Variants in MTAP observed in about 807,000 individuals in gnomAD.
The protein encoded by MTAP is methylthioadenosine phosphorylase.
Under a neutral mutation model 33.6 loss-of-function variants are expected in MTAP, and 33 were observed. The observed-to-expected ratio is 0.98, with a 90% CI of 0.74 to 1.31. MTAP has a LOEUF of 1.31. Ranked by LOEUF, MTAP falls within the 40% of genes most tolerant of loss-of-function variation. The pLI, the probability that MTAP is intolerant of heterozygous loss-of-function variation, is 0.00. For missense variants in MTAP, 367 were observed against 360.0 expected (o/e 1.02, Z -0.16); for synonymous variants, 148 against 125.7 (o/e 1.18, Z -1.19).
intron 1 of MTAP, among the ~76,000 whole-genome samples, chr9:21,911,320 A>G (rs544526354): frequency 6.6e-6 from 1 of 152,344 alleles, no homozygotes; most frequent in African/African-American, 2.4e-5. Flanking sequence ...AATCAACAGA[A>G]TATACATTCT....
At chr9:21,930,154 T>A (rs2131046624) in intron 1 of MTAP, 3 of 384,362 alleles carry the variant, frequency 7.8e-6, no homozygotes, top group South Asian at 6.7e-5. Context: ...TGGAGTAAAC[T>A]CAAAATTCTC....
At chr9:21,820,983 G>T (rs1824621500) in intron 4 of MTAP, among the ~76,000 whole-genome samples, 1 of 152,246 alleles carries the variant, frequency 6.6e-6, no homozygotes. Context: ...TTTGTGTCCT[G>T]AGACTTTGCT....
intron 4 of MTAP, among the ~76,000 whole-genome samples, chr9:21,836,054 A>G (rs1342145319): frequency 7.9e-5 from 12 of 152,032 alleles, no homozygotes; most frequent in Admixed American, 7.2e-4. Flanking sequence ...GTGAGGCCCC[A>G]TCTGGTGCCG....
intron 1 of MTAP, among the ~76,000 whole-genome samples, chr9:21,806,611 C>T (rs1008163431): frequency 1.3e-5 from 2 of 151,856 alleles, no homozygotes; most frequent in African/African-American, 4.8e-5. Flanking sequence ...GAGAGATGGT[C>T]CAGGCAGGGA....
chr9:21,803,181 C>A lies in MTAP; in HGVS notation c.33+400C>A, dbSNP rs559294757. 2.0e-5 allele frequency: 8 copies of A among 392,990 alleles called. No individual in the cohort carries two copies. In the South Asian group the frequency reaches 8.9e-4, roughly 44 times the overall value. The allele number at this position is 392,990 out of a possible 1,614,324, so 24.3% of individuals were successfully genotyped here. On this transcript the variant is annotated intron_variant, in intron 1 of 7. Transcript: ENST00000644715. ...TCCAAGAAAGACACCCGGCTGGAGTCAGGAGGTGTCCGGGCGCCTGCAGCT... is the reference window on the plus strand; with the variant it reads ...TCCAAGAAAGACACCCGGCTGGAGTAAGGAGGTGTCCGGGCGCCTGCAGCT...
Position 21,838,020 on chromosome 9 carries a change from C to T in MTAP, c.450+10C>T, listed in dbSNP as rs1490214684. On this transcript the variant is annotated intron_variant, in intron 5 of 7. Coordinates refer to ENST00000644715, the MANE Select transcript of MTAP (RefSeq NM_002451.4). ...CCCCAAAACGAGAGAGGTGTGTAGT[C>T]TTTCTGGAAGGTGTACCAGAATAAA... is the stretch of plus-strand genomic sequence containing the variant. 2.5e-6 allele frequency: 4 copies of T among 1,609,016 alleles called. No homozygotes were observed. Among genetic ancestry groups the T allele is most frequent in the Non-Finnish European group, 3.4e-6 (4 of 1,175,574 alleles).
chr9:21,860,162 C>G (rs1045783896), intron 7 of MTAP: 1 of 152,150 alleles, frequency 6.6e-6, no homozygotes, highest in African/African-American at 2.4e-5. Flanking sequence ...TGAATTACCA[C>G]CTAGGAGCTC....
At chr9:21,859,092 A>G (rs765934189) in intron 6 of MTAP, 8 of 498,850 alleles carry the variant, frequency 1.6e-5, no homozygotes, top group Non-Finnish European at 2.4e-5. Flanking sequence ...TAAGATCACT[A>G]ATCCTATCCA....
rs1818807650 is a variant in MTAP, at chr9:21,922,737, AT to A, written c.148-8269del. Among the ~76,000 whole-genome samples the A allele has an allele frequency of 6.6e-6, 1 of 151,984 alleles. No homozygotes were observed. The highest frequency in any genetic ancestry group is 1.5e-5 in the Non-Finnish European group (1 of 67,990). ...TGCCTTCCAACCAATTCCCAGAACT[AT>A]TACTCTCAGCCACAGTGGCTCTGCA... On this transcript the variant is annotated intron_variant, in intron 1 of 1. Transcript: ENST00000577563. The surrounding 1 kb of genome is among the most constrained non-coding windows in gnomAD (Gnocchi z 4.8).
chr9:21,931,154 A>G (rs990701561), exon 2 of MTAP: 1 of 753,810 alleles, frequency 1.3e-6, no homozygotes, highest in Non-Finnish European at 2.4e-6. Context: ...ACCTGGCTGG[A>G]TACTGCTTCC....
rs1563836301 is a variant in MTAP at position 21,826,631 on chromosome 9, T to G, written c.347+8429T>G. Among the ~76,000 whole-genome samples the G allele has an allele frequency of 2.0e-5, 3 of 148,742 alleles. 1 individual carries two copies. The highest frequency in any genetic ancestry group is 4.9e-5 in the African/African-American group (2 of 40,826). On this transcript the variant is annotated intron_variant, in intron 4 of 7. Coordinates refer to ENST00000644715, the MANE Select transcript of MTAP (RefSeq NM_002451.4). ...TTGTTTATTATTATTATTATTATTA[T>G]TATTATTATTATTATTATTTAACTG... is the stretch of plus-strand genomic sequence containing the variant.
intron 2 of MTAP, among the ~76,000 whole-genome samples, chr9:21,816,399 G>A (rs1428245684): frequency 3.9e-5 from 6 of 152,018 alleles, no homozygotes; most frequent in African/African-American, 1.5e-4. Context: ...TCTCAAACCT[G>A]CCCAATAACC....
intron 4 of MTAP, among the ~76,000 whole-genome samples, chr9:21,837,277 A>G (rs1825135504): frequency 6.6e-6 from 1 of 152,220 alleles, no homozygotes. Context: ...TCAGTGGGTC[A>G]CTGGCATGAA....
In MTAP at chr9:21,816,787, G is replaced by A; in HGVS notation, c.179+15G>A. 1 of 1,599,132 alleles carries A rather than the reference G, an allele frequency of 6.3e-7. No individual in the cohort carries two copies. Among genetic ancestry groups the A allele is most frequent in the Non-Finnish European group, 8.5e-7 (1 of 1,172,676 alleles). On this transcript the variant is annotated intron_variant, in intron 3 of 7. Coordinates refer to ENST00000644715, the MANE Select transcript of MTAP (RefSeq NM_002451.4). ...CTCCTTGCAAGGTATGGTATTTTAA[G>A]CTTTTTGGATGTTACTACTAAAGGA...
intron 1 of MTAP, among the ~76,000 whole-genome samples, chr9:21,899,751 T>C (rs1461965985): frequency 1.3e-5 from 2 of 152,042 alleles, no homozygotes; most frequent in African/African-American, 4.8e-5. Context: ...GACACGTGGG[T>C]ATTATGCAGA....
intron 1 of MTAP, among the ~76,000 whole-genome samples, chr9:21,913,742 C>A (rs915144342): frequency 1.3e-5 from 2 of 152,098 alleles, no homozygotes; most frequent in African/African-American, 2.4e-5. Flanking sequence ...TCTAAAACAC[C>A]AAAAGCAATG....
At chr9:21,837,144 TG>T (rs1825130428) in intron 4 of MTAP, among the ~76,000 whole-genome samples, 1 of 130,010 alleles carries the variant, frequency 7.7e-6, no homozygotes, top group Non-Finnish European at 1.8e-5. Flanking sequence ...GATTCAAAAC[TG>T]TTTTGTCAGA....
At chr9:21,848,293 T>C (rs2118441069) in intron 5 of MTAP, among the ~76,000 whole-genome samples, 1 of 152,268 alleles carries the variant, frequency 6.6e-6, no homozygotes, top group African/African-American at 2.4e-5. Flanking sequence ...GGTGGTGTGC[T>C]ACACTCAAAA....
chr9:21,819,448 T>C (rs1824573937), intron 4 of MTAP, among the ~76,000 whole-genome samples: 1 of 152,222 alleles, frequency 6.6e-6, no homozygotes, highest in African/African-American at 2.4e-5. Flanking sequence ...GCTTCATCCA[T>C]GTCCCTACAA....
Sources: gnomAD v4.1 joint callset for allele counts (sites outside exome capture counted in the v4.1 genomes callset) on GRCh38, gnomAD v4.1.1 for gene constraint, Gnocchi (gnomAD v3.1) non-coding constraint, MANE v1.5 for transcripts, NCBI Gene and HGNC (gene_info 2026-07-23, HGNC 2026-07-21) for gene names.